JAKMIP1: variants seen among roughly 807,000 people sequenced by gnomAD.
JAKMIP1 encodes the protein janus kinase and microtubule-interacting protein 1.
In JAKMIP1, 33 loss-of-function variants were observed where a neutral mutation model predicts 113.0. The ratio of observed to expected loss-of-function variants is 0.29; its 90% CI spans 0.22 to 0.39. JAKMIP1 has a LOEUF of 0.39. JAKMIP1 is among the 10% of genes least tolerant of loss of function. The pLI, the probability that JAKMIP1 is intolerant of heterozygous loss-of-function variation, is 1.00. For missense variants in JAKMIP1, 813 were observed against 1,080.5 expected (o/e 0.75, Z 3.47); for synonymous variants, 480 against 459.9 (o/e 1.04, Z -0.56).
chr4:6,087,456 A>T (rs993229711), intron 3 of JAKMIP1, among the ~76,000 whole-genome samples: 1 of 152,212 alleles, frequency 6.6e-6, no homozygotes, highest in African/African-American at 2.4e-5. Flanking sequence ...GTTCACTGCC[A>T]CTGTTAATCT....
At chr4:6,124,809 G>A (rs1717180505) in intron 1 of JAKMIP1, among the ~76,000 whole-genome samples, 1 of 152,218 alleles carries the variant, frequency 6.6e-6, no homozygotes, top group East Asian at 1.9e-4. Flanking sequence ...CTTGGCTTGG[G>A]CCACACCTCT....
intron 1 of JAKMIP1, among the ~76,000 whole-genome samples, chr4:6,134,323 C>T (rs1162283313): frequency 6.6e-6 from 1 of 152,202 alleles, no homozygotes; most frequent in African/African-American, 2.4e-5. Context: ...ATGACCCAGT[C>T]TCAGGTAGTA....
chr4:6,066,236 G>T (rs998253510), intron 8 of JAKMIP1, among the ~76,000 whole-genome samples: 1 of 152,058 alleles, frequency 6.6e-6, no homozygotes, highest in Non-Finnish European at 1.5e-5. Context: ...ATCTGTAAAT[G>T]TGAGAAAAAT....
chr4:6,084,374 T>C (rs1720989489), intron 5 of JAKMIP1, among the ~76,000 whole-genome samples: 1 of 152,146 alleles, frequency 6.6e-6, no homozygotes, highest in African/African-American at 2.4e-5. Context: ...CAATGTATTA[T>C]TGTTCTGTAA....
Position 6,086,559 on chromosome 4 carries a change from G to C in JAKMIP1, c.625-930C>G, listed in dbSNP as rs534067825. 5.9e-5 allele frequency among the ~76,000 whole-genome samples: 9 copies of C among 152,074 alleles called. No individual in the cohort carries two copies. The highest frequency in any genetic ancestry group is 1.9e-4 in the African/African-American group (8 of 41,478). ...ACACAGGCTCAACACAGTGGGCCGG[G>C]TGACAGTGAGGAACCACACCAAAAA... On this transcript the variant is annotated intron_variant, in intron 3 of 20. Coordinates refer to ENST00000409021, the MANE Select transcript of JAKMIP1 (RefSeq NM_001099433.2). This position sits in a 1 kb window ranked among gnomAD's most constrained non-coding sequence, Gnocchi z 4.1.
In JAKMIP1 at chr4:6,081,548, C is replaced by T; in HGVS notation, c.1101+61G>A. ...AACATGTGAATCGGGAGGTTCAGGG[C>T]TGAAGAATCCCAGACAGAGAAGGGA... On this transcript the variant is annotated intron_variant, in intron 6 of 20. Transcript: ENST00000409021. This position sits in a 1 kb window ranked among gnomAD's most constrained non-coding sequence, Gnocchi z 4.6. The T allele has an allele frequency of 6.3e-7, 1 of 1,596,994 alleles. No homozygotes were observed. The highest frequency in any genetic ancestry group is 2.2e-5 in the East Asian group (1 of 44,698).
At chr4:6,171,251 C>T (rs1578458025) in intron 1 of JAKMIP1, among the ~76,000 whole-genome samples, 1 of 147,116 alleles carries the variant, frequency 6.8e-6, no homozygotes, top group Non-Finnish European at 1.5e-5. Flanking sequence ...ACCACCATCA[C>T]CATCACACCT....
Position 6,051,369 on chromosome 4 carries a change from C to T in JAKMIP1, c.1807-690G>A, listed in dbSNP as rs559605885. On this transcript the variant is annotated intron_variant, in intron 13 of 20. Transcript: ENST00000409021. The surrounding 1 kb of genome is among the most constrained non-coding windows in gnomAD (Gnocchi z 5.0). ...TCCCAAGTAGCTGGGATTACAGGCA[C>T]GCGCCACCACACCGGGCTAATTTTG... Among the ~76,000 whole-genome samples the T allele has an allele frequency of 7.6e-4, 115 of 152,160 alleles. No homozygotes were observed. Among genetic ancestry groups the T allele is most frequent in the South Asian group, 5.2e-3 (25 of 4,808 alleles).
rs192703483 is a variant in JAKMIP1, at chr4:6,113,246, T to A, written c.-147-249A>T. ...CATGCTCCTAGGTGAGGCTCCCAGG[T>A]GACCACACCTGGAATAGCTTCAGTC... is the stretch of plus-strand genomic sequence containing the variant. On this transcript the variant is annotated intron_variant, in intron 1 of 20. Coordinates refer to ENST00000409021, the MANE Select transcript of JAKMIP1 (RefSeq NM_001099433.2). Among the ~76,000 whole-genome samples, 6 of 152,280 alleles carry A rather than the reference T, an allele frequency of 3.9e-5. No individual in the cohort carries two copies. The East Asian group carries it at 1.2e-3, about 29-fold the overall frequency.
At chr4:6,131,786 A>T (rs190772185) in intron 1 of JAKMIP1, among the ~76,000 whole-genome samples, 1 of 152,342 alleles carries the variant, frequency 6.6e-6, no homozygotes, top group Admixed American at 6.5e-5. Context: ...AGCAAGAAAG[A>T]GGAGAGGGAA....
Position 6,080,152 on chromosome 4 carries a change from G to C in JAKMIP1, c.1242+20C>G. On this transcript the variant is annotated intron_variant, in intron 7 of 20. Coordinates refer to ENST00000409021, the MANE Select transcript of JAKMIP1 (RefSeq NM_001099433.2). This position sits in a 1 kb window ranked among gnomAD's most constrained non-coding sequence, Gnocchi z 6.0. ...TGCCACCCCTGCCAGGGGCAGCCGC[G>C]CCAGCTGTGCTAGATGTACCAGTGA... 1 of 1,577,396 alleles carries C rather than the reference G, an allele frequency of 6.3e-7. No individual in the cohort carries two copies. Among genetic ancestry groups the C allele is most frequent in the Non-Finnish European group, 8.6e-7 (1 of 1,161,110 alleles).
intron 1 of JAKMIP1, among the ~76,000 whole-genome samples, chr4:6,152,893 C>T (rs904366626): frequency 6.6e-5 from 10 of 151,180 alleles, no homozygotes; most frequent in Non-Finnish European, 1.3e-4. Context: ...ATCACTTGAA[C>T]CCAGGAGGCG....
chr4:6,146,973 G>A (rs10010404), intron 1 of JAKMIP1, among the ~76,000 whole-genome samples: 3 of 151,402 alleles, frequency 2.0e-5, no homozygotes, highest in Non-Finnish European at 4.4e-5. Flanking sequence ...TTTTGTTTTT[G>A]GGGGGATGGA....
In JAKMIP1 at chr4:6,148,372, T is replaced by C. The variant is rs114844484; in HGVS notation, c.-147-35375A>G. On this transcript the variant is annotated intron_variant, in intron 1 of 20. Transcript: ENST00000409021. ...AGCGCAGAAGAGTCACCATTTTGCA[T>C]TCCTTTCTTCCTAAGCAAATGAGGA... Among the ~76,000 whole-genome samples the C allele has an allele frequency of 4.0e-3, 617 of 152,354 alleles. 5 individuals are homozygous for C. Among genetic ancestry groups the C allele is most frequent in the African/African-American group, 0.014 (595 of 41,584 alleles).
At position 6,080,087 on chromosome 4, in the gene JAKMIP1, C is replaced by T; in HGVS notation, c.1242+85G>A. On this transcript the variant is annotated intron_variant, in intron 7 of 20. Coordinates refer to ENST00000409021, the MANE Select transcript of JAKMIP1 (RefSeq NM_001099433.2). The surrounding 1 kb of genome is among the most constrained non-coding windows in gnomAD (Gnocchi z 6.0). ...CCTGACCCAGCTCAGCAGCATCACCCTGAGCCCCAACACCCGTTCCTGACA... is the reference window on the plus strand; with the variant it reads ...CCTGACCCAGCTCAGCAGCATCACCTTGAGCCCCAACACCCGTTCCTGACA... 6.8e-7 allele frequency: 1 copy of T among 1,464,164 alleles called. No individual in the cohort carries two copies. Among genetic ancestry groups the T allele is most frequent in the East Asian group, 2.5e-5 (1 of 40,244 alleles). The allele number at this position is 1,464,164 out of a possible 1,614,324, so 90.7% of individuals were successfully genotyped here.
intron 8 of JAKMIP1, among the ~76,000 whole-genome samples, chr4:6,073,732 A>G (rs1418150634): frequency 6.6e-6 from 1 of 152,262 alleles, no homozygotes; most frequent in Non-Finnish European, 1.5e-5. Context: ...CTGAGCGTTT[A>G]GATGACTTGG....
At position 6,029,763 on chromosome 4, in the gene JAKMIP1, C is replaced by A; in HGVS notation, c.2398G>T (p.Asp800Tyr). The change falls in exon 20 of 21, where the codon GAC (aspartate) becomes TAC (tyrosine). Residue 800 changes from aspartate to tyrosine, a missense_variant. Coordinates refer to ENST00000409021, the MANE Select transcript of JAKMIP1 (RefSeq NM_001099433.2). ...QAQQRIRELE[D>Y]KLEFQKRHLK... ...TGCCGCTTCTGAAACTCCAGTTTGT[C>A]CTCCAGTTCTCGGATTCTCTGAAAT... The A allele has an allele frequency of 6.2e-7, 1 of 1,604,814 alleles. No individual in the cohort carries two copies.
intron 1 of JAKMIP1, among the ~76,000 whole-genome samples, chr4:6,169,553 T>G (rs1419284335): frequency 6.6e-6 from 1 of 151,614 alleles, no homozygotes. Flanking sequence ...AGAATGCATT[T>G]GTTTTATGCC....
In JAKMIP1 at chr4:6,103,212, A is replaced by C. The variant is rs537774005; in HGVS notation, c.624+2261T>G. 6.4e-4 allele frequency among the ~76,000 whole-genome samples: 98 copies of C among 152,258 alleles called. 1 individual carries two copies. The highest frequency in any genetic ancestry group is 6.0e-3 in the Admixed American group (92 of 15,294). On this transcript the variant is annotated intron_variant, in intron 3 of 20. Transcript: ENST00000409021. Reference sequence around the variant, plus strand: ...TCTTTTCCTGGTTTTCGGAGAGTTTATATCATGAAGTTGAATTTTACCAAC... The same window carrying C: ...TCTTTTCCTGGTTTTCGGAGAGTTTCTATCATGAAGTTGAATTTTACCAAC...
Sources: gnomAD v4.1 joint callset for allele counts (sites outside exome capture counted in the v4.1 genomes callset) on GRCh38, gnomAD v4.1.1 for gene constraint, Gnocchi (gnomAD v3.1) non-coding constraint, MANE v1.5 for transcripts, NCBI Gene and HGNC (gene_info 2026-07-23, HGNC 2026-07-21) for gene names.